FBXL17: variants seen among roughly 807,000 people sequenced by gnomAD.
FBXL17 encodes the protein F-box/LRR-repeat protein 17.
Under a neutral mutation model 66.2 loss-of-function variants are expected in FBXL17, and 22 were observed. That is an observed-to-expected ratio of 0.33 (90% confidence interval 0.24 to 0.47). The LOEUF is 0.47. Among genes scored for constraint, FBXL17 ranks in the 20% least tolerant of loss-of-function variants. FBXL17 has a pLI of 1.00. For missense variants in FBXL17, 878 were observed against 948.2 expected (o/e 0.93, Z 0.97); for synonymous variants, 474 against 400.5 (o/e 1.18, Z -2.19).
intron 6 of FBXL17, among the ~76,000 whole-genome samples, chr5:108,132,024 T>C (rs975437117): frequency 4.6e-5 from 7 of 151,704 alleles, no homozygotes; most frequent in Non-Finnish European, 2.9e-5. Flanking sequence ...TTGCCCAGGC[T>C]GGAGTGCAAT....
intron 5 of FBXL17, among the ~76,000 whole-genome samples, chr5:108,213,301 T>C (rs1754456091): frequency 6.6e-6 from 1 of 152,004 alleles, no homozygotes; most frequent in Non-Finnish European, 1.5e-5. Flanking sequence ...GGGGAGTGAA[T>C]GGTTCTGTCT....
At chr5:108,113,795 C>A (rs1750134003) in intron 6 of FBXL17, among the ~76,000 whole-genome samples, 1 of 151,936 alleles carries the variant, frequency 6.6e-6, no homozygotes. Flanking sequence ...CATTCTATAC[C>A]ATATATCCGT....
At chr5:108,017,465 C>G (rs1754429627) in intron 7 of FBXL17, among the ~76,000 whole-genome samples, 1 of 152,120 alleles carries the variant, frequency 6.6e-6, no homozygotes, top group African/African-American at 2.4e-5. Flanking sequence ...TTCTGTATGA[C>G]AAGAACTGCC....
At chr5:108,086,894 T>A (rs1410492698) in intron 6 of FBXL17, among the ~76,000 whole-genome samples, 1 of 150,358 alleles carries the variant, frequency 6.7e-6, no homozygotes, top group Non-Finnish European at 1.5e-5. Flanking sequence ...AGGAAAGGAA[T>A]CACACCCTTT....
At chr5:107,889,809 AT>A (rs1314657496) in intron 7 of FBXL17, among the ~76,000 whole-genome samples, 1 of 152,196 alleles carries the variant, frequency 6.6e-6, no homozygotes, top group Non-Finnish European at 1.5e-5. Flanking sequence ...CTTCTTATTT[AT>A]TTTTATTTTG....
At position 108,031,752 on chromosome 5, in the gene FBXL17, A is replaced by G. The variant is rs143485993; in HGVS notation, c.1746-10751T>C. 3.0e-3 allele frequency among the ~76,000 whole-genome samples: 451 copies of G among 152,264 alleles called. 1 individual carries two copies. Among genetic ancestry groups the G allele is most frequent in the African/African-American group, 0.011 (437 of 41,574 alleles). ...AGTAATAAAACAGAGATGATACTTC[A>G]CTACACCTGTATTTTACTGAATTTT... is the stretch of plus-strand genomic sequence containing the variant. On this transcript the variant is annotated intron_variant, in intron 6 of 8. Coordinates refer to ENST00000542267, the MANE Select transcript of FBXL17 (RefSeq NM_001163315.3).
chr5:107,967,803 T>A (rs1323005054), intron 7 of FBXL17, among the ~76,000 whole-genome samples: 1 of 152,132 alleles, frequency 6.6e-6, no homozygotes, highest in East Asian at 1.9e-4. Context: ...AAAAAAAATT[T>A]CTGTAATTGG....
At chr5:108,092,306 CTCTT>C (rs1487638682) in intron 6 of FBXL17, among the ~76,000 whole-genome samples, 1 of 152,038 alleles carries the variant, frequency 6.6e-6, no homozygotes, top group Admixed American at 6.6e-5. Context: ...CTGAATGAGT[CTCTT>C]TATTAGTTTT....
intron 7 of FBXL17, among the ~76,000 whole-genome samples, chr5:108,015,261 A>G (rs1252012898): frequency 1.3e-5 from 2 of 152,186 alleles, no homozygotes; most frequent in African/African-American, 2.4e-5. Context: ...ATTTAGTACT[A>G]TTTTGTTAGA....
At chr5:108,084,621 G>T (rs1368507518) in intron 6 of FBXL17, among the ~76,000 whole-genome samples, 2 of 152,164 alleles carry the variant, frequency 1.3e-5, no homozygotes, top group African/African-American at 4.8e-5. Flanking sequence ...TTTTCTGAAA[G>T]AACTCTCCTT....
At chr5:108,050,507 T>C (rs1282690992) in intron 6 of FBXL17, among the ~76,000 whole-genome samples, 1 of 152,062 alleles carries the variant, frequency 6.6e-6, no homozygotes, top group Admixed American at 6.6e-5. Flanking sequence ...ATAAGTTCTT[T>C]GAAACCAATG....
intron 6 of FBXL17, among the ~76,000 whole-genome samples, chr5:108,069,537 AAGT>A (rs1748250851): frequency 1.3e-5 from 2 of 152,226 alleles, no homozygotes; most frequent in African/African-American, 2.4e-5. Flanking sequence ...CATAAATAAA[AAGT>A]AAGAACTCAC....
intron 5 of FBXL17, among the ~76,000 whole-genome samples, chr5:108,218,257 C>T (rs1428183669): frequency 1.3e-5 from 2 of 151,968 alleles, no homozygotes. Flanking sequence ...ATCCGCCCAC[C>T]TCGGCCTCCC....
intron 4 of FBXL17, among the ~76,000 whole-genome samples, chr5:108,294,886 T>A (rs1471529689): frequency 6.6e-6 from 1 of 152,182 alleles, no homozygotes; most frequent in Non-Finnish European, 1.5e-5. Context: ...AGCCATCTAC[T>A]AATGTTACTA....
chr5:107,919,846 C>T (rs529666176), intron 7 of FBXL17, among the ~76,000 whole-genome samples: 2 of 152,312 alleles, frequency 1.3e-5, no homozygotes, highest in East Asian at 1.9e-4. Flanking sequence ...ATTGTATTTA[C>T]AGCATTTACT....
At chr5:107,905,551 A>G (rs902840359) in intron 7 of FBXL17, among the ~76,000 whole-genome samples, 1 of 152,166 alleles carries the variant, frequency 6.6e-6, no homozygotes, top group Non-Finnish European at 1.5e-5. Flanking sequence ...ATATATTGTG[A>G]AAAATGACTC....
intron 4 of FBXL17, among the ~76,000 whole-genome samples, chr5:108,272,579 C>A (rs1757320604): frequency 6.6e-6 from 1 of 152,028 alleles, no homozygotes; most frequent in African/African-American, 2.4e-5. Flanking sequence ...ATCTCAAACT[C>A]CTGGCCTCAA....
intron 7 of FBXL17, among the ~76,000 whole-genome samples, chr5:108,014,512 C>A (rs1754304942): frequency 6.6e-6 from 1 of 152,084 alleles, no homozygotes; most frequent in Non-Finnish European, 1.5e-5. Context: ...AGAAGTCCCT[C>A]TCAATAGATT....
chr5:107,908,682 G>A (rs1411994028), intron 7 of FBXL17, among the ~76,000 whole-genome samples: 3 of 152,182 alleles, frequency 2.0e-5, no homozygotes, highest in Non-Finnish European at 2.9e-5. Flanking sequence ...CAGCTGAAAA[G>A]TGACAGGAGG....
Sources: gnomAD v4.1 joint callset for allele counts (sites outside exome capture counted in the v4.1 genomes callset) on GRCh38, gnomAD v4.1.1 for gene constraint, MANE v1.5 for transcripts, NCBI Gene and HGNC (gene_info 2026-07-23, HGNC 2026-07-21) for gene names.